The following TPRG1 variants were observed in gnomAD, a reference collection of about 807,000 sequenced individuals.
The protein encoded by TPRG1 is tumor protein p63-regulated gene 1 protein.
In TPRG1, 29 loss-of-function variants were observed where a neutral mutation model predicts 29.3. The ratio of observed to expected loss-of-function variants is 0.99; its 90% CI spans 0.74 to 1.35. The LOEUF (loss-of-function observed/expected upper bound fraction) is 1.35, where lower values mean the gene tolerates loss of function less well. Ranked by LOEUF, TPRG1 falls within the 40% of genes most tolerant of loss-of-function variation. TPRG1 has a pLI of 0.00. For synonymous variants in TPRG1, 130 were observed against 116.8 expected, an observed-to-expected ratio of 1.11 and a Z score of -0.73; for missense variants, 327 against 335.0, an observed-to-expected ratio of 0.98 and a Z score of 0.19.
At chr3:189,169,489 A>G (rs568391328), upstream of TPRG1, among the ~76,000 whole-genome samples, 3 of 152,274 alleles carry the variant, frequency 2.0e-5, no homozygotes, top group East Asian at 3.9e-4. Context: ...TAGAAGAGAG[A>G]GAAGAGACAG....
chr3:189,170,525 G>A (rs922650200), upstream of TPRG1, among the ~76,000 whole-genome samples: 44 of 152,268 alleles, frequency 2.9e-4, no homozygotes, highest in African/African-American at 1.1e-3. Flanking sequence ...CCTGTCTGTG[G>A]TGCTCATCAT....
chr3:189,168,683 A>G (rs2108652126), upstream of TPRG1, among the ~76,000 whole-genome samples: 1 of 152,314 alleles, frequency 6.6e-6, no homozygotes, highest in African/African-American at 2.4e-5. Flanking sequence ...CATATTGCTT[A>G]GTACCTGTTC....
intron 5 of TPRG1, among the ~76,000 whole-genome samples, chr3:189,315,338 G>C (rs1306387954): frequency 6.6e-6 from 1 of 151,758 alleles, no homozygotes; most frequent in Non-Finnish European, 1.5e-5. Context: ...GAAAGAGAGA[G>C]ACTGTGTGTA....
intron 3 of TPRG1, among the ~76,000 whole-genome samples, chr3:189,022,902 G>T (rs1713429209): frequency 6.6e-6 from 1 of 152,212 alleles, no homozygotes; most frequent in Non-Finnish European, 1.5e-5. Context: ...AGGACCCTCC[G>T]AGCCAGGTGC....
chr3:189,184,381 A>T (rs1205924166), intron 1 of TPRG1, among the ~76,000 whole-genome samples: 2 of 152,208 alleles, frequency 1.3e-5, no homozygotes, highest in South Asian at 2.1e-4. Context: ...ATCAAGTGTA[A>T]AAGGCAGTTT....
intron 4 of TPRG1, among the ~76,000 whole-genome samples, chr3:189,244,882 A>G (rs1273629645): frequency 6.6e-6 from 1 of 151,850 alleles, no homozygotes. Flanking sequence ...AACTTTTACT[A>G]TTGTTTTGCT....
chr3:189,157,785 G>A (rs923442262), intron 5 of TPRG1, among the ~76,000 whole-genome samples: 2 of 152,088 alleles, frequency 1.3e-5, no homozygotes, highest in African/African-American at 2.4e-5. Context: ...CCTAAGCCAC[G>A]CTGATGAGTT....
At chr3:189,057,840 A>ATG (rs199604569) in intron 4 of TPRG1, among the ~76,000 whole-genome samples, 2 of 111,370 alleles carry the variant, frequency 1.8e-5, no homozygotes, top group Non-Finnish European at 3.3e-5. Context: ...ACACATATGT[A>ATG]TGTGTGTATA....
At chr3:189,222,537 G>A (rs1737099888) in intron 3 of TPRG1, among the ~76,000 whole-genome samples, 1 of 152,166 alleles carries the variant, frequency 6.6e-6, no homozygotes, top group African/African-American at 2.4e-5. Context: ...TCACCTGGGA[G>A]CTTGTTAGCA....
At chr3:189,169,643 T>C (rs966801823), upstream of TPRG1, among the ~76,000 whole-genome samples, 6 of 152,194 alleles carry the variant, frequency 3.9e-5, no homozygotes, top group African/African-American at 1.4e-4. Flanking sequence ...TGAAGTGAAT[T>C]CTTATATATA....
chr3:189,064,361 T>A (rs1224618253), intron 4 of TPRG1, among the ~76,000 whole-genome samples: 1 of 152,014 alleles, frequency 6.6e-6, no homozygotes, highest in Non-Finnish European at 1.5e-5. Flanking sequence ...CACCACAGAA[T>A]AGGGCTTTCT....
At chr3:189,289,048 A>G (rs1718552266) in intron 4 of TPRG1, among the ~76,000 whole-genome samples, 1 of 152,216 alleles carries the variant, frequency 6.6e-6, no homozygotes, top group South Asian at 2.1e-4. Flanking sequence ...ACCTGGGCTG[A>G]AAAAAGCTGA....
intron 4 of TPRG1, among the ~76,000 whole-genome samples, chr3:189,078,137 C>CTTTCTTT (rs1325600410): frequency 2.2e-3 from 109 of 50,052 alleles, no homozygotes; most frequent in African/African-American, 5.6e-3. Context: ...TTCTTTCTTT[C>CTTTCTTT]CTTTCTTTTT....
At chr3:189,268,289 G>A (rs1429626853) in intron 4 of TPRG1, among the ~76,000 whole-genome samples, 7 of 152,116 alleles carry the variant, frequency 4.6e-5, no homozygotes, top group Non-Finnish European at 1.0e-4. Flanking sequence ...GCCCAGGGAG[G>A]CATGTTGACA....
At chr3:189,204,155 G>A (rs1733955280) in intron 1 of TPRG1, among the ~76,000 whole-genome samples, 1 of 151,986 alleles carries the variant, frequency 6.6e-6, no homozygotes, top group African/African-American at 2.4e-5. Flanking sequence ...TAAATTTACT[G>A]GGAAATATTA....
chr3:189,125,616 C>G (rs62291250), intron 1 of TPRG1, among the ~76,000 whole-genome samples: 1,723 of 152,260 alleles, frequency 0.011, 14 homozygotes, highest in Non-Finnish European at 0.019. Flanking sequence ...TCTTTGGTCT[C>G]TCTATTCATA....
At chr3:189,138,455 A>G (rs1350619841) in intron 3 of TPRG1, among the ~76,000 whole-genome samples, 1 of 152,206 alleles carries the variant, frequency 6.6e-6, no homozygotes, top group East Asian at 1.9e-4. Flanking sequence ...TCCCAGCACA[A>G]TACAGGTTGG....
chr3:189,267,225 A>T (rs181042568), intron 4 of TPRG1, among the ~76,000 whole-genome samples: 1 of 152,206 alleles, frequency 6.6e-6, no homozygotes, highest in Non-Finnish European at 1.5e-5. Context: ...TATACTCTAT[A>T]CCATATAGCC....
chr3:189,076,654 G>A (rs1024215423), intron 4 of TPRG1, among the ~76,000 whole-genome samples: 4 of 151,866 alleles, frequency 2.6e-5, no homozygotes, highest in Non-Finnish European at 5.9e-5. Context: ...GGGCTTAATG[G>A]TCTCTCCTTC....
Sources: gnomAD v4.1 joint callset for allele counts (sites outside exome capture counted in the v4.1 genomes callset) on GRCh38, gnomAD v4.1.1 for gene constraint, MANE v1.5 for transcripts, NCBI Gene and HGNC (gene_info 2026-07-23, HGNC 2026-07-21) for gene names.